The following COL5A2 variants were observed in gnomAD, a reference collection of about 807,000 sequenced individuals.
COL5A2 encodes collagen alpha-2(V) chain.
A neutral mutation model predicts 208.2 loss-of-function variants in COL5A2; 23 were observed. That is an observed-to-expected ratio of 0.11 (90% CI 0.08 to 0.16). COL5A2 has a LOEUF of 0.16. Ranked by LOEUF, COL5A2 falls within the 10% of genes least tolerant of loss-of-function variation. The pLI, the probability that COL5A2 is intolerant of heterozygous loss-of-function variation, is 1.00. For synonymous variants in COL5A2, 625 were observed against 628.5 expected, an observed-to-expected ratio of 0.99 and a Z score of 0.08; for missense variants, 1,590 against 1,956.4, an observed-to-expected ratio of 0.81 and a Z score of 3.53.
the COL5A2 span, among the ~76,000 whole-genome samples, chr2:189,373,874 C>A: frequency 1.3e-5 from 2 of 152,242 alleles, no homozygotes; most frequent in South Asian, 4.1e-4. Context: ...ATCTGCAATC[C>A]AGGAAATGCC....
chr2:189,347,701 C>T, the COL5A2 span, among the ~76,000 whole-genome samples: 1 of 152,148 alleles, frequency 6.6e-6, no homozygotes, highest in African/African-American at 2.4e-5. Flanking sequence ...TCCTGCCAAA[C>T]CACTGGCCTT....
chr2:189,306,941 T>C, the COL5A2 span, among the ~76,000 whole-genome samples: 2 of 152,204 alleles, frequency 1.3e-5, no homozygotes, highest in African/African-American at 4.8e-5. Context: ...TCCTCCTTCA[T>C]TAACCAACAT....
intron 1 of COL5A2, among the ~76,000 whole-genome samples, chr2:189,163,062 A>G (rs1199995199): frequency 1.3e-5 from 2 of 152,186 alleles, no homozygotes; most frequent in African/African-American, 2.4e-5. Context: ...TAAGGAATCA[A>G]GAACAAATAT....
At chr2:189,201,631 A>C (rs2105857623) in intron 1 of COL5A2, among the ~76,000 whole-genome samples, 1 of 152,118 alleles carries the variant, frequency 6.6e-6, no homozygotes, top group Admixed American at 6.5e-5. Flanking sequence ...AAAACCTAAG[A>C]AGGATAAATA....
intron 11 of COL5A2, 32 bp downstream of exon 11, chr2:189,085,128 A>G (rs769709825): frequency 1.3e-6 from 2 of 1,598,270 alleles, no homozygotes; most frequent in Non-Finnish European, 1.7e-6. Context: ...CCTCTTCAAA[A>G]CCTGAATGGA....
Position 189,066,771 on chromosome 2 carries a change from T to C in COL5A2, c.1413A>G (p.Gly471=). 1 of 1,613,394 alleles carries C rather than the reference T, an allele frequency of 6.2e-7. No homozygotes were observed. The highest frequency in any genetic ancestry group is 8.5e-7 in the Non-Finnish European group (1 of 1,179,398). Residue 471 remains glycine (G), a synonymous_variant, in exon 22 of 54, where the codon GGA becomes GGG. Transcript: ENST00000374866. The part of the protein sequence containing the change: ...QGIRGQPGDP[G]VPGFKGEAGP... ...CAGCTTCTCCTTTGAAACCTGGAACTCCTGGATCACCCTGAAAAAAATATA... is the reference window on the plus strand; with the variant it reads ...CAGCTTCTCCTTTGAAACCTGGAACCCCTGGATCACCCTGAAAAAAATATA...
chr2:189,310,139 G>T, the COL5A2 span, among the ~76,000 whole-genome samples: 1 of 152,104 alleles, frequency 6.6e-6, no homozygotes, highest in African/African-American at 2.4e-5. Context: ...ATTAATAAAT[G>T]ATTTTTTAAA....
the COL5A2 span, among the ~76,000 whole-genome samples, chr2:189,342,197 C>CG: frequency 8.3e-4 from 113 of 135,546 alleles, 1 homozygote; most frequent in African/African-American, 2.7e-3. Flanking sequence ...CTAGTGTGCT[C>CG]TTTTTTTTTT....
chr2:189,335,702 T>C, the COL5A2 span, among the ~76,000 whole-genome samples: 2 of 152,066 alleles, frequency 1.3e-5, no homozygotes, highest in East Asian at 1.9e-4. Context: ...CTGTCCAGAA[T>C]AGGCAATTCT....
chr2:189,100,421 A>G (rs1189268279), intron 3 of COL5A2, among the ~76,000 whole-genome samples: 1 of 152,144 alleles, frequency 6.6e-6, no homozygotes, highest in Admixed American at 6.5e-5. Context: ...AGAGTTGACT[A>G]GAGCACAAAA....
At chr2:189,076,930 C>T (rs942771879) in intron 16 of COL5A2, among the ~76,000 whole-genome samples, 2 of 151,998 alleles carry the variant, frequency 1.3e-5, no homozygotes, top group Non-Finnish European at 2.9e-5. Context: ...AAAAAATTAG[C>T]CAGGAACGGT....
At chr2:189,354,182 C>T in the COL5A2 span, among the ~76,000 whole-genome samples, 1 of 152,110 alleles carries the variant, frequency 6.6e-6, no homozygotes, top group African/African-American at 2.4e-5. Context: ...TTTGGTTTGC[C>T]AGTATTTTAT....
At chr2:189,354,467 G>A in the COL5A2 span, among the ~76,000 whole-genome samples, 2 of 152,168 alleles carry the variant, frequency 1.3e-5, no homozygotes, top group East Asian at 3.9e-4. Context: ...ACTTGTTATT[G>A]GTCTATTTAG....
chr2:189,410,395 T>G, the COL5A2 span, among the ~76,000 whole-genome samples: 2 of 151,976 alleles, frequency 1.3e-5, no homozygotes, highest in African/African-American at 4.8e-5. Flanking sequence ...GACCCCCATC[T>G]CTACAAGAAA....
the COL5A2 span, among the ~76,000 whole-genome samples, chr2:189,267,517 TA>T: frequency 6.6e-6 from 1 of 152,012 alleles, no homozygotes; most frequent in African/African-American, 2.4e-5. Flanking sequence ...ATAGGAGCAA[TA>T]AATATAGGAA....
chr2:189,080,883 T>A (rs141728960), intron 13 of COL5A2, 107 bp downstream of exon 13: 131 of 922,544 alleles, frequency 1.4e-4, no homozygotes, highest in Non-Finnish European at 2.2e-4. Flanking sequence ...CCATAGACAG[T>A]TAAGGACAAT....
At chr2:189,214,513 C>A (rs189459617) in intron 1 of COL5A2, among the ~76,000 whole-genome samples, 2 of 152,038 alleles carry the variant, frequency 1.3e-5, no homozygotes, top group African/African-American at 4.8e-5. Context: ...GACGAAAAAT[C>A]CTCATAGAGT....
chr2:189,346,337 T>G, the COL5A2 span, among the ~76,000 whole-genome samples: 8,892 of 152,214 alleles, frequency 0.058, 346 homozygotes, highest in Non-Finnish European at 0.091. Flanking sequence ...TTTCAGTAAT[T>G]GTAAAACCTA....
the COL5A2 span, among the ~76,000 whole-genome samples, chr2:189,292,838 A>C: frequency 6.6e-6 from 1 of 152,222 alleles, no homozygotes; most frequent in African/African-American, 2.4e-5. Flanking sequence ...ACAATAGCAA[A>C]GACTTGGAAC....
Sources: gnomAD v4.1 joint callset for allele counts (sites outside exome capture counted in the v4.1 genomes callset) on GRCh38, gnomAD v4.1.1 for gene constraint, MANE v1.5 for transcripts, NCBI Gene and HGNC (gene_info 2026-07-23, HGNC 2026-07-21) for gene names.